Variants in LRRC9 observed in about 807,000 individuals in gnomAD.
The protein encoded by LRRC9 is leucine rich repeat containing 9.
A neutral mutation model predicts 63.2 loss-of-function variants in LRRC9; 122 were observed. The observed-to-expected ratio is 1.93, with a 90% CI of 1.67 to 2.24. The LOEUF (loss-of-function observed/expected upper bound fraction) is 2.24, where lower values mean the gene tolerates loss of function less well. Ranked by LOEUF, LRRC9 falls within the 30% of genes most tolerant of loss-of-function variation. The probability of loss-of-function intolerance (pLI) is 0.00; values close to 1 mark genes in which losing one functional copy is unlikely to be tolerated. For synonymous variants in LRRC9, 366 were observed against 213.1 expected (o/e 1.72, Z -6.25); for missense variants, 1,071 against 627.7 (o/e 1.71, Z -7.55).
At chr14:60,010,931 A>C (rs1256003519) in intron 23 of LRRC9, among the ~76,000 whole-genome samples, 2 of 152,100 alleles carry the variant, frequency 1.3e-5, no homozygotes, top group African/African-American at 4.8e-5. Context: ...AGTCTCTAGG[A>C]AGTTACAAAC....
At chr14:60,049,901 A>G (rs1893748395) in intron 29 of LRRC9, among the ~76,000 whole-genome samples, 1 of 152,110 alleles carries the variant, frequency 6.6e-6, no homozygotes, top group Admixed American at 6.5e-5. Flanking sequence ...CCAATCAGTC[A>G]TAGGTTCGAT....
At chr14:59,926,569 AT>A (rs1388494262) in intron 1 of LRRC9, among the ~76,000 whole-genome samples, 6 of 152,248 alleles carry the variant, frequency 3.9e-5, no homozygotes, top group African/African-American at 1.4e-4. Flanking sequence ...AGATCAAATA[AT>A]ACATTGTTAT....
chr14:59,965,649 C>G (rs1884757048), intron 10 of LRRC9, among the ~76,000 whole-genome samples: 1 of 151,638 alleles, frequency 6.6e-6, no homozygotes, highest in South Asian at 2.1e-4. Context: ...ACTGGGAGGC[C>G]GAGGTGGGCG....
chr14:59,984,672 T>C (rs1887270815), intron 16 of LRRC9, among the ~76,000 whole-genome samples: 1 of 152,172 alleles, frequency 6.6e-6, no homozygotes, highest in Admixed American at 6.6e-5. Flanking sequence ...TCTTCTTTGG[T>C]TCGGTGCCCT....
At chr14:59,948,471 T>A (rs1882717985) in intron 8 of LRRC9, among the ~76,000 whole-genome samples, 1 of 128,672 alleles carries the variant, frequency 7.8e-6, no homozygotes, top group Non-Finnish European at 1.6e-5. Flanking sequence ...CAATTTGACT[T>A]CCTCTTTTCC....
At chr14:59,965,654 T>C (rs1884758173) in intron 10 of LRRC9, among the ~76,000 whole-genome samples, 1 of 151,452 alleles carries the variant, frequency 6.6e-6, no homozygotes, top group South Asian at 2.1e-4. Context: ...GAGGCCGAGG[T>C]GGGCGGATCA....
chr14:59,928,047 G>A, intron 2 of LRRC9, 56 bp downstream of exon 2: 1 of 661,076 alleles, frequency 1.5e-6, no homozygotes, highest in Non-Finnish European at 2.7e-6. Flanking sequence ...AAAATGGAAA[G>A]TTTTTATGCT....
Position 59,983,738 on chromosome 14 carries a change from T to A in LRRC9, c.2092-1367T>A, listed in dbSNP as rs187630949. 2.0e-5 allele frequency among the ~76,000 whole-genome samples: 3 copies of A among 152,216 alleles called. No homozygotes were observed. In the East Asian group the frequency reaches 5.8e-4, roughly 29 times the overall value. On this transcript the variant is annotated intron_variant, in intron 16 of 31. Coordinates refer to ENST00000445360, the Ensembl canonical transcript of LRRC9. ...ACAGGAAGCCAGGGCTGGAAGAGTA[T>A]GAGGTTGTAGCCAAATTAGGATGGA...
chr14:60,030,587 A>C (rs78506712), intron 28 of LRRC9, among the ~76,000 whole-genome samples: 1 of 152,048 alleles, frequency 6.6e-6, no homozygotes, highest in Non-Finnish European at 1.5e-5. Context: ...GCCCCAATCC[A>C]GGCACAATTA....
chr14:60,039,383 CTTCTGG>C (rs1367720575), intron 29 of LRRC9, among the ~76,000 whole-genome samples: 1 of 152,060 alleles, frequency 6.6e-6, no homozygotes, highest in African/African-American at 2.4e-5. Flanking sequence ...GCTGCGAATC[CTTCTGG>C]TCTTGGACTT....
intron 8 of LRRC9, among the ~76,000 whole-genome samples, chr14:59,947,197 T>C (rs1882532742): frequency 6.6e-6 from 1 of 151,502 alleles, no homozygotes; most frequent in Non-Finnish European, 1.5e-5. Flanking sequence ...ATGATCACCA[T>C]TCTAACTGGT....
At chr14:59,949,177 C>G (rs957303872) in intron 8 of LRRC9, among the ~76,000 whole-genome samples, 9 of 149,046 alleles carry the variant, frequency 6.0e-5, no homozygotes, top group African/African-American at 2.2e-4. Flanking sequence ...ATTATTGCCA[C>G]AATTTCAGCT....
chr14:59,920,140 A>T lies in LRRC9; in HGVS notation c.-34+257A>T, dbSNP rs985625203. The T allele has an allele frequency of 6.6e-6, 1 of 151,992 alleles. No homozygotes were observed. Among genetic ancestry groups the T allele is most frequent in the African/African-American group, 2.4e-5 (1 of 41,398 alleles). The allele number at this position is 151,992 out of a possible 1,614,324, so 9.4% of individuals were successfully genotyped here. A position where few individuals can be genotyped will look rare whatever the true frequency, so the allele number is the denominator to read the frequency against. On this transcript the variant is annotated intron_variant, in intron 1 of 31. Transcript: ENST00000445360. ...ATCAGGTTACCTAGGCAACCGCCAC[A>T]GGCAGTCTGTACACACCAGGCCTGG...
intron 12 of LRRC9, chr14:59,973,373 A>C (rs1483505096): frequency 2.6e-5 from 4 of 152,078 alleles, no homozygotes; most frequent in Admixed American, 1.3e-4. Flanking sequence ...TATCGAATGG[A>C]TATTTAGTGA....
intron 7 of LRRC9, among the ~76,000 whole-genome samples, chr14:59,940,005 CTTGGGTGTTAAATG>C (rs1881585466): frequency 6.6e-6 from 1 of 151,820 alleles, no homozygotes; most frequent in African/African-American, 2.4e-5. Flanking sequence ...AAGTGTGTCA[CTTGGGTGTTAAATG>C]TTGGGTAGAA....
intron 13 of LRRC9, among the ~76,000 whole-genome samples, chr14:59,976,617 C>T (rs1045001681): frequency 3.0e-4 from 45 of 152,114 alleles, no homozygotes; most frequent in Admixed American, 2.8e-3. Context: ...AAATGCCTCA[C>T]GATGTTCTGC....
intron 28 of LRRC9, among the ~76,000 whole-genome samples, chr14:60,030,099 G>A (rs1891873433): frequency 6.6e-6 from 1 of 152,026 alleles, no homozygotes; most frequent in East Asian, 1.9e-4. Context: ...ACCAACATGG[G>A]CAGGCTGATA....
intron 29 of LRRC9, among the ~76,000 whole-genome samples, chr14:60,035,103 A>ATT (rs57896646): frequency 4.8e-5 from 7 of 145,710 alleles, no homozygotes; most frequent in African/African-American, 1.8e-4. Flanking sequence ...GACTTTGAGC[A>ATT]TTTTTTTTTT....
Position 59,936,109 on chromosome 14 carries a change from A to G in LRRC9, c.544-2281A>G, listed in dbSNP as rs1890117737. On this transcript the variant is annotated intron_variant, in intron 6 of 31. Transcript: ENST00000445360. The surrounding 1 kb of genome is among the most constrained non-coding windows in gnomAD (Gnocchi z 4.2). ...AATGTAAAGTACCTAAATAGTGACC[A>G]GCACATAGTAAGGACTCAACAGATC... Among the ~76,000 whole-genome samples, 1 of 152,210 alleles carries G rather than the reference A, an allele frequency of 6.6e-6. No individual in the cohort carries two copies. The highest frequency in any genetic ancestry group is 6.5e-5 in the Admixed American group (1 of 15,278).
Sources: allele counts gnomAD v4.1 joint callset (sites outside exome capture counted in the v4.1 genomes callset), GRCh38; gene constraint gnomAD v4.1.1; non-coding constraint Gnocchi (gnomAD v3.1); transcripts MANE v1.5; gene names NCBI Gene and HGNC (gene_info 2026-07-23, HGNC 2026-07-21).